Variants in PCLO observed in about 807,000 individuals in gnomAD.
PCLO encodes protein piccolo.
A neutral mutation model predicts 427.5 loss-of-function variants in PCLO; 82 were observed. That is an observed-to-expected ratio of 0.19 (90% CI 0.16 to 0.23). The LOEUF (loss-of-function observed/expected upper bound fraction) is 0.23. Ranked by LOEUF, PCLO falls within the 10% of genes least tolerant of loss-of-function variation. The pLI is 1.00. For missense variants in PCLO, 6,239 were observed against 6,115.9 expected (o/e 1.02, Z -0.67); for synonymous variants, 2,357 against 2,155.4 (o/e 1.09, Z -2.59).
At chr7:82,973,058 T>C (rs896815523) in intron 3 of PCLO, among the ~76,000 whole-genome samples, 3 of 152,060 alleles carry the variant, frequency 2.0e-5, no homozygotes, top group African/African-American at 7.2e-5. Context: ...TTATGACATC[T>C]ACAAAAGGGA....
At chr7:83,016,092 C>CA (rs1366975549) in intron 3 of PCLO, among the ~76,000 whole-genome samples, 1 of 152,134 alleles carries the variant, frequency 6.6e-6, no homozygotes, top group African/African-American at 2.4e-5. Flanking sequence ...AAGTGAGGTT[C>CA]TTCCCACTAG....
At position 83,111,368 on chromosome 7, in the gene PCLO, C is replaced by A. The variant is rs1210989719; in HGVS notation, c.3300+22882G>T. 3.9e-5 allele frequency among the ~76,000 whole-genome samples: 6 copies of A among 152,300 alleles called. No homozygotes were observed. In the East Asian group the frequency reaches 1.2e-3, roughly 29 times the overall value. ...CACAATTAGGTTACTAATCAGTTGA[C>A]TTTCCAGTAAATCAAAAAAGATACC... On this transcript the variant is annotated intron_variant, in intron 3 of 24. Transcript: ENST00000333891.
At chr7:83,146,684 C>T (rs1057411684) in intron 2 of PCLO, among the ~76,000 whole-genome samples, 1 of 151,904 alleles carries the variant, frequency 6.6e-6, no homozygotes, top group Non-Finnish European at 1.5e-5. Flanking sequence ...GCAACCTCTG[C>T]CTCTCGGGTT....
At chr7:83,017,120 A>T (rs1419685223) in intron 3 of PCLO, among the ~76,000 whole-genome samples, 1 of 152,154 alleles carries the variant, frequency 6.6e-6, no homozygotes, top group Non-Finnish European at 1.5e-5. Flanking sequence ...GAATCAGAAG[A>T]AATAATTTGA....
chr7:83,079,998 T>C lies in PCLO; in HGVS notation c.3300+54252A>G, dbSNP rs538700590. ...TTTGATTTTCTGTTACTGAGTTAGT[T>C]TGCTAAGGATAATGGTTTCCAGCTC... On this transcript the variant is annotated intron_variant, in intron 3 of 24. Transcript: ENST00000333891. 2.9e-4 allele frequency among the ~76,000 whole-genome samples: 44 copies of C among 152,230 alleles called. No homozygotes were observed. In the South Asian group the frequency reaches 8.3e-3, roughly 29 times the overall value.
At chr7:83,056,593 T>C (rs1004384157) in intron 3 of PCLO, among the ~76,000 whole-genome samples, 2 of 152,226 alleles carry the variant, frequency 1.3e-5, no homozygotes, top group Non-Finnish European at 2.9e-5. Flanking sequence ...TACTCTCATC[T>C]ATATGTATAT....
chr7:83,058,411 A>G (rs1208151043), intron 3 of PCLO, among the ~76,000 whole-genome samples: 1 of 152,214 alleles, frequency 6.6e-6, no homozygotes, highest in African/African-American at 2.4e-5. Context: ...TCCTTTTAGA[A>G]GACAAAAACC....
At chr7:83,021,797 G>A (rs553574699) in intron 3 of PCLO, among the ~76,000 whole-genome samples, 1 of 152,078 alleles carries the variant, frequency 6.6e-6, no homozygotes, top group African/African-American at 2.4e-5. Flanking sequence ...GTTCAATACG[G>A]AAGCTAAATT....
rs947164520 is a variant in PCLO, at chr7:82,953,125, A to C, written c.7828T>G (p.Ser2610Ala). The change falls in exon 5 of 25, where the codon TCC becomes GCC. Residue 2610 changes from serine (S) to alanine (A), a missense_variant. Physicochemically the swap from Ser to Ala is moderately conservative, Grantham distance 99. This residue lies in a region of PCLO where 4,677 missense variants were observed against 4,468.4 expected (regional missense o/e 1.05). Transcript: ENST00000333891. ...GGTTCAACAGAAACCAGATCTTTGG[A>C]GGGTGATCCCAAGGGCCAACTGGTA... ...AITSWPLGSP[S>A]KDLVSVEPVF... 6.2e-7 allele frequency: 1 copy of C among 1,613,962 alleles called. No individual in the cohort carries two copies. The highest frequency in any genetic ancestry group is 8.5e-7 in the Non-Finnish European group (1 of 1,179,842).
chr7:83,063,690 T>A (rs1249967641), intron 3 of PCLO, among the ~76,000 whole-genome samples: 1 of 152,074 alleles, frequency 6.6e-6, no homozygotes, highest in African/African-American at 2.4e-5. Context: ...TGTAACCCCA[T>A]TAGGGGAAGA....
chr7:82,930,306 A>G (rs1794812023), intron 6 of PCLO, among the ~76,000 whole-genome samples: 1 of 152,134 alleles, frequency 6.6e-6, no homozygotes. Context: ...GGAGGGAGAA[A>G]CAGCATTAGG....
chr7:82,849,066 CAATCAAATT>C (rs1358923699), intron 10 of PCLO: 1 of 169,392 alleles, frequency 5.9e-6, no homozygotes, highest in Non-Finnish European at 1.3e-5. Flanking sequence ...ATTTTGAATT[CAATCAAATT>C]AAAGTTATTA....
At chr7:82,986,962 T>G (rs538041191) in intron 3 of PCLO, among the ~76,000 whole-genome samples, 18 of 152,080 alleles carry the variant, frequency 1.2e-4, no homozygotes, top group Admixed American at 7.9e-4. Flanking sequence ...AAAATAATTA[T>G]TCTTACAATC....
rs1297429871 is a variant in PCLO, at chr7:83,134,216, G to GT, written c.3300+33dup. 17 of 451,778 alleles carry GT rather than the reference G, an allele frequency of 3.8e-5. 1 individual carries two copies. The South Asian group carries it at 1.6e-3, about 42-fold the overall frequency. The allele number at this position is 451,778 out of a possible 1,614,324, so 28.0% of individuals were successfully genotyped here. On this transcript the variant is annotated intron_variant, in intron 3 of 24. Coordinates refer to ENST00000333891, the MANE Select transcript of PCLO (RefSeq NM_033026.6). ...TAAACCCACAGACTCACCTCCATAT[G>GT]TAATATATATATATATATATATATA...
chr7:83,160,552 TTA>T (rs1792409492), intron 1 of PCLO, among the ~76,000 whole-genome samples: 1 of 142,116 alleles, frequency 7.0e-6, no homozygotes, highest in African/African-American at 2.5e-5. Flanking sequence ...AAATTATTAT[TTA>T]TTTTTTAGTA....
chr7:82,866,604 G>A (rs1033582791), intron 10 of PCLO, among the ~76,000 whole-genome samples: 53 of 151,082 alleles, frequency 3.5e-4, no homozygotes, highest in African/African-American at 1.2e-3. Context: ...AGTAGCTTAA[G>A]AGAAAAATAA....
chr7:83,118,645 A>C (rs1791193570), intron 3 of PCLO, among the ~76,000 whole-genome samples: 1 of 152,194 alleles, frequency 6.6e-6, no homozygotes, highest in African/African-American at 2.4e-5. Flanking sequence ...TACAAGAAGG[A>C]AGCATTTCAA....
chr7:83,119,732 C>T lies in PCLO; in HGVS notation c.3300+14518G>A, dbSNP rs149672756. ...CTAATCCTGGAGCAACAGAGATATGCAACCTTTCAGACGGAGAATTCAAAA... is the reference window on the plus strand; with the variant it reads ...CTAATCCTGGAGCAACAGAGATATGTAACCTTTCAGACGGAGAATTCAAAA... On this transcript the variant is annotated intron_variant, in intron 3 of 24. Transcript: ENST00000333891. Among the ~76,000 whole-genome samples, 16 of 151,058 alleles carry T rather than the reference C, an allele frequency of 1.1e-4. No homozygotes were observed. The East Asian group carries it at 2.9e-3, about 28-fold the overall frequency.
chr7:82,873,536 T>C (rs1377575083), intron 10 of PCLO, among the ~76,000 whole-genome samples: 1 of 152,180 alleles, frequency 6.6e-6, no homozygotes, highest in African/African-American at 2.4e-5. Context: ...AATTCGACTA[T>C]TGAGTTGTTT....
Sources: gnomAD v4.1 joint callset for allele counts (sites outside exome capture counted in the v4.1 genomes callset) on GRCh38, gnomAD v4.1.1 for gene constraint, gnomAD v4.1.1 regional missense constraint, MANE v1.5 for transcripts, NCBI Gene and HGNC (gene_info 2026-07-23, HGNC 2026-07-21) for gene names.